Variants in RABGAP1L observed in about 807,000 individuals in gnomAD.
RABGAP1L encodes the protein rab GTPase-activating protein 1-like.
Under a neutral mutation model 137.7 loss-of-function variants are expected in RABGAP1L, and 63 were observed. The ratio of observed to expected loss-of-function variants is 0.46; its 90% CI spans 0.37 to 0.56. The LOEUF (loss-of-function observed/expected upper bound fraction) is 0.56. Ranked by LOEUF, RABGAP1L falls within the 20% of genes least tolerant of loss-of-function variation. RABGAP1L has a pLI of 0.00. For missense variants in RABGAP1L, 1,095 were observed against 1,244.0 expected (o/e 0.88, Z 1.80); for synonymous variants, 431 against 433.7 (o/e 0.99, Z 0.08).
chr1:174,244,661 C>T (rs1311528684), intron 5 of RABGAP1L: 2 of 152,182 alleles, frequency 1.3e-5, no homozygotes, highest in Non-Finnish European at 2.9e-5. Flanking sequence ...ATATGCTAGG[C>T]TTCTGCTGAA....
chr1:174,796,156 A>G (rs1366573052), intron 18 of RABGAP1L, among the ~76,000 whole-genome samples: 2 of 152,180 alleles, frequency 1.3e-5, no homozygotes, highest in South Asian at 4.1e-4. Context: ...TTTATGGACT[A>G]CTTTATAACT....
chr1:174,277,502 A>G (rs2148674329), intron 9 of RABGAP1L, among the ~76,000 whole-genome samples: 1 of 151,580 alleles, frequency 6.6e-6, no homozygotes, highest in South Asian at 2.1e-4. Context: ...AAATTTATTT[A>G]TAATTTATTC....
At chr1:174,231,457 C>A in intron 4 of RABGAP1L, 102 bp downstream of exon 4, 1 of 1,049,664 alleles carries the variant, frequency 9.5e-7, no homozygotes, top group Non-Finnish European at 1.5e-6. Flanking sequence ...TGAACTCACA[C>A]TGTAGACATG....
At chr1:174,556,285 C>T (rs1339790881) in intron 13 of RABGAP1L, among the ~76,000 whole-genome samples, 1 of 152,080 alleles carries the variant, frequency 6.6e-6, no homozygotes, top group African/African-American at 2.4e-5. Flanking sequence ...CGTGAGCCAC[C>T]ACTCCTGGCC....
intron 13 of RABGAP1L, among the ~76,000 whole-genome samples, chr1:174,499,302 G>A (rs759262621): frequency 6.6e-6 from 1 of 152,040 alleles, no homozygotes; most frequent in Non-Finnish European, 1.5e-5. Context: ...AAAATTAATA[G>A]CATAGTAGAA....
In RABGAP1L at chr1:174,609,526, T is replaced by G. The variant is rs142148343; in HGVS notation, c.1711-27849T>G. ...GAGGACTGTAACCATAAACTGTTTCTGTCTCATATGGTATTAAGAACAGCA... is the reference window on the plus strand; with the variant it reads ...GAGGACTGTAACCATAAACTGTTTCGGTCTCATATGGTATTAAGAACAGCA... On this transcript the variant is annotated intron_variant, in intron 13 of 25. Coordinates refer to ENST00000681986, the MANE Select transcript of RABGAP1L (RefSeq NM_001366446.1). 7.0e-4 allele frequency among the ~76,000 whole-genome samples: 107 copies of G among 152,274 alleles called. 1 individual carries two copies. The highest frequency in any genetic ancestry group is 2.4e-3 in the African/African-American group (99 of 41,582).
chr1:174,323,402 C>T lies in RABGAP1L; in HGVS notation c.1465+18275C>T, dbSNP rs552401767. ...ATGATAAACAAAATAAAGATACTCT[C>T]CTTTAAATCACTGAATCTATATAAC... On this transcript the variant is annotated intron_variant, in intron 11 of 25. Coordinates refer to ENST00000681986, the MANE Select transcript of RABGAP1L (RefSeq NM_001366446.1). Among the ~76,000 whole-genome samples, 118 of 152,094 alleles carry T rather than the reference C, an allele frequency of 7.8e-4. 3 individuals carry two copies. The South Asian group carries it at 0.012, about 15-fold the overall frequency.
At chr1:174,598,031 G>T (rs921942134) in intron 13 of RABGAP1L, among the ~76,000 whole-genome samples, 7 of 151,992 alleles carry the variant, frequency 4.6e-5, no homozygotes, top group African/African-American at 1.7e-4. Context: ...TATGATTTCA[G>T]GTTTTAAAAA....
At chr1:174,264,471 T>A (rs1220317767) in intron 7 of RABGAP1L, among the ~76,000 whole-genome samples, 2 of 152,120 alleles carry the variant, frequency 1.3e-5, no homozygotes, top group East Asian at 3.8e-4. Flanking sequence ...ATTCCAAATG[T>A]TTTTCTCTGA....
intron 11 of RABGAP1L, among the ~76,000 whole-genome samples, chr1:174,350,241 C>T: frequency 7.3e-6 from 1 of 137,034 alleles, no homozygotes; most frequent in Non-Finnish European, 1.6e-5. Flanking sequence ...GGAGACGCTC[C>T]TCACTTCCCA....
At chr1:174,772,178 A>G (rs1046031415) in intron 18 of RABGAP1L, among the ~76,000 whole-genome samples, 2 of 152,088 alleles carry the variant, frequency 1.3e-5, no homozygotes, top group Non-Finnish European at 2.9e-5. Flanking sequence ...AGCCTGGACG[A>G]CAGAGTCAGA....
In RABGAP1L at chr1:174,863,233, CAA is replaced by C. The variant is rs71117585; in HGVS notation, c.2340+51287_2340+51288del. Among the ~76,000 whole-genome samples the C allele has an allele frequency of 5.0e-3, 412 of 82,652 alleles. 7 individuals are homozygous for C. The highest frequency in any genetic ancestry group is 0.021 in the Middle Eastern group (3 of 140). The allele number at this position is 82,652 out of a possible 152,430, so 54.2% of individuals were successfully genotyped here. ...TAATTTGTACATGAGTTGTTTGTAGCAAAAAAAAAAAAAAAGAAAAACAGTAT... is the reference window on the plus strand; with the variant it reads ...TAATTTGTACATGAGTTGTTTGTAGCAAAAAAAAAAAAAGAAAAACAGTAT... On this transcript the variant is annotated intron_variant, in intron 19 of 25. Coordinates refer to ENST00000681986, the MANE Select transcript of RABGAP1L (RefSeq NM_001366446.1).
In RABGAP1L at chr1:174,317,874, C is replaced by T. The variant is rs1440754792; in HGVS notation, c.1465+12747C>T. Among the ~76,000 whole-genome samples the T allele has an allele frequency of 1.8e-4, 27 of 152,180 alleles. 1 individual carries two copies. In the South Asian group the frequency reaches 2.3e-3, roughly 13 times the overall value. On this transcript the variant is annotated intron_variant, in intron 11 of 25. Transcript: ENST00000681986. The stretch of plus-strand genomic sequence containing the variant: ...CTGGTTTAAATGCTCCCTCCATGGG[C>T]GGGCATCAGCAGGAGTTGGGTCAGG...
intron 13 of RABGAP1L, among the ~76,000 whole-genome samples, chr1:174,533,774 G>A (rs542523048): frequency 3.3e-5 from 5 of 152,100 alleles, no homozygotes; most frequent in Admixed American, 6.5e-5. Flanking sequence ...GAGTTCAAGC[G>A]ATTCTCCTGC....
At chr1:174,315,371 C>T (rs139968325) in intron 11 of RABGAP1L, among the ~76,000 whole-genome samples, 14 of 151,944 alleles carry the variant, frequency 9.2e-5, no homozygotes, top group African/African-American at 3.1e-4. Flanking sequence ...CTTTATTCTC[C>T]GTCTATATGT....
At chr1:174,240,005 G>A (rs189087932) in intron 4 of RABGAP1L, among the ~76,000 whole-genome samples, 6 of 152,230 alleles carry the variant, frequency 3.9e-5, no homozygotes, top group Middle Eastern at 3.4e-3. Context: ...ATATGTTATC[G>A]TCTAAAAATG....
intron 13 of RABGAP1L, among the ~76,000 whole-genome samples, chr1:174,396,952 T>G (rs2149091339): frequency 6.9e-6 from 1 of 145,636 alleles, no homozygotes; most frequent in South Asian, 2.2e-4. Context: ...CAGCCTAGGC[T>G]ACATAGTGAG....
At chr1:174,963,457 A>T (rs1669344129) in intron 20 of RABGAP1L, among the ~76,000 whole-genome samples, 2 of 152,286 alleles carry the variant, frequency 1.3e-5, no homozygotes, top group South Asian at 4.1e-4. Context: ...TGGGGGAAGA[A>T]TATGCTTTAG....
intron 1 of RABGAP1L, among the ~76,000 whole-genome samples, chr1:174,190,012 A>G (rs1036555084): frequency 6.6e-6 from 1 of 152,102 alleles, no homozygotes; most frequent in Non-Finnish European, 1.5e-5. Flanking sequence ...CCCACCTGAA[A>G]GAAGGCCCTT....
Sources: gnomAD v4.1 joint callset for allele counts (sites outside exome capture counted in the v4.1 genomes callset) on GRCh38, gnomAD v4.1.1 for gene constraint, MANE v1.5 for transcripts, NCBI Gene and HGNC (gene_info 2026-07-23, HGNC 2026-07-21) for gene names.